The following SMG1 variants were observed in gnomAD, a reference collection of about 807,000 sequenced individuals.
SMG1 encodes the protein SMG1 nonsense mediated mRNA decay associated PI3K related kinase.
SMG1 carries 22 observed loss-of-function variants against 419.9 expected under a neutral mutation model. That is an observed-to-expected ratio of 0.05 (90% CI 0.04 to 0.07). The LOEUF is 0.07. Ranked by LOEUF, SMG1 falls within the 10% of genes least tolerant of loss-of-function variation. The pLI, the probability that SMG1 is intolerant of heterozygous loss-of-function variation, is 1.00. For missense variants in SMG1, 3,185 were observed against 4,342.0 expected (o/e 0.73, Z 7.49); for synonymous variants, 1,538 against 1,553.5 (o/e 0.99, Z 0.23).
intron 25 of SMG1, among the ~76,000 whole-genome samples, chr16:18,862,973 G>A (rs1194224981): frequency 6.6e-6 from 1 of 152,114 alleles, no homozygotes; most frequent in Non-Finnish European, 1.5e-5. Context: ...CTTTCCTTAT[G>A]GCACAGAAAA....
chr16:18,890,751 T>C (rs1025930825), intron 5 of SMG1, 112 bp downstream of exon 5: 36 of 654,806 alleles, frequency 5.5e-5, no homozygotes, highest in Non-Finnish European at 9.7e-5. Flanking sequence ...CACTGAAATG[T>C]CAATAGATGT....
In SMG1 at chr16:18,859,664, G is replaced by C; in HGVS notation, c.3845C>G (p.Pro1282Arg). 1 of 1,612,188 alleles carries C rather than the reference G, an allele frequency of 6.2e-7. No homozygotes were observed. Among genetic ancestry groups the C allele is most frequent in the Non-Finnish European group, 8.5e-7 (1 of 1,179,142 alleles). ...KLLPNMLSPD[P>R]RELQKSIEVQ... ...TTCAATGGATTTCTGAAGTTCCCTCGGATCCGGACTTAACATGTTAGGAAG... is the reference window on the plus strand; with the variant it reads ...TTCAATGGATTTCTGAAGTTCCCTCCGATCCGGACTTAACATGTTAGGAAG... The change falls in exon 27 of 63, where the codon CCG becomes CGG. Residue 1282 changes from proline to arginine, a missense_variant. By Grantham distance (103) the Pro-to-Arg change is moderately radical. Around this residue, in one of 27 missense-constraint regions of SMG1, gnomAD observed 120 missense variants for 193.3 expected, o/e 0.62. Coordinates refer to ENST00000446231, the MANE Select transcript of SMG1 (RefSeq NM_015092.5).
At chr16:18,860,061 A>G (rs1286077025) in intron 26 of SMG1, among the ~76,000 whole-genome samples, 1 of 152,184 alleles carries the variant, frequency 6.6e-6, no homozygotes, top group Non-Finnish European at 1.5e-5. Flanking sequence ...TACTAAAAAT[A>G]CAAAAAATTA....
chr16:18,863,441 AT>A (rs1296444145), intron 25 of SMG1, among the ~76,000 whole-genome samples: 4 of 152,232 alleles, frequency 2.6e-5, no homozygotes, highest in Non-Finnish European at 5.9e-5. Context: ...TTAATACCAA[AT>A]GACTATCTCA....
At chr16:18,921,857 ATACTT>A (rs2038212494) in intron 1 of SMG1, among the ~76,000 whole-genome samples, 1 of 152,320 alleles carries the variant, frequency 6.6e-6, no homozygotes, top group South Asian at 2.1e-4. Flanking sequence ...GTACTTTTGA[ATACTT>A]TAATCTGTCT....
At chr16:18,895,077 A>T (rs2037060523) in intron 3 of SMG1, among the ~76,000 whole-genome samples, 1 of 151,770 alleles carries the variant, frequency 6.6e-6, no homozygotes, top group Admixed American at 6.6e-5. Context: ...TCAGCCTCCC[A>T]AAGTGCTGGG....
At chr16:18,864,855 A>C (rs892185291) in intron 23 of SMG1, among the ~76,000 whole-genome samples, 1 of 152,192 alleles carries the variant, frequency 6.6e-6, no homozygotes, top group African/African-American at 2.4e-5. Context: ...AACTGAGCTA[A>C]AACAGTGAGT....
In SMG1 at chr16:18,869,085, C is replaced by T. The variant is rs1371698420; in HGVS notation, c.2833+19G>A. 5.6e-6 allele frequency: 9 copies of T among 1,600,646 alleles called. No individual in the cohort carries two copies. The highest frequency in any genetic ancestry group is 4.4e-5 in the South Asian group (4 of 90,768). On this transcript the variant is annotated intron_variant, in intron 20 of 62. Coordinates refer to ENST00000446231, the MANE Select transcript of SMG1 (RefSeq NM_015092.5). ...TAAGGCTTTGAAAGTATTCACATCA[C>T]AAAGCTTGAGTGAGTTACCTTCAAT...
chr16:18,815,698 T>C (rs1457345315), intron 58 of SMG1, 47 bp from the exon 59 acceptor site: 5 of 1,515,936 alleles, frequency 3.3e-6, no homozygotes, highest in African/African-American at 1.4e-5. Flanking sequence ...TTAGTATCAG[T>C]AATTACTCTC....
chr16:18,849,738 A>T (rs2034485858), intron 35 of SMG1, among the ~76,000 whole-genome samples: 1 of 152,218 alleles, frequency 6.6e-6, no homozygotes, highest in South Asian at 2.1e-4. Context: ...CATTTTGTAT[A>T]TAAAAAGCTC....
intron 40 of SMG1, 87 bp downstream of exon 40, chr16:18,842,121 A>C (rs1198698484): frequency 1.4e-6 from 2 of 1,391,914 alleles, no homozygotes; most frequent in African/African-American, 2.9e-5. Flanking sequence ...CGCCTGAAAT[A>C]ATCTCCTACT....
At chr16:18,901,851 G>A in intron 1 of SMG1, among the ~76,000 whole-genome samples, 1 of 148,290 alleles carries the variant, frequency 6.7e-6, no homozygotes, top group Non-Finnish European at 1.5e-5. Context: ...ACGGGCACCT[G>A]TAATAATCCC....
Position 18,872,237 on chromosome 16 carries a change from T to C in SMG1, c.2130A>G (p.Ile710Met), listed in dbSNP as rs2035860570. 1 of 1,585,392 alleles carries C rather than the reference T, an allele frequency of 6.3e-7. No homozygotes were observed. Among genetic ancestry groups the C allele is most frequent in the African/African-American group, 1.3e-5 (1 of 74,158 alleles). Residue 710 changes from isoleucine to methionine, a missense_variant, in exon 15 of 63, where the codon ATA (isoleucine) becomes ATG (methionine). Ile to Met is a conservative substitution (Grantham distance 10, BLOSUM62 1). Transcript: ENST00000446231. ...TAAGTAATATTCCCAGAAGATTTAA[T>C]ATAATTGAGAAATGTTTCTTTGTAG... ...TTATKKHFSI[I>M]LNLLGILLKK...
intron 13 of SMG1, chr16:18,875,863 T>C: frequency 1.9e-6 from 1 of 527,846 alleles, no homozygotes; most frequent in Non-Finnish European, 3.3e-6. Context: ...ATAGGAGAAA[T>C]TCATAAGACA....
chr16:18,842,724 C>A (rs1435291089), intron 39 of SMG1, among the ~76,000 whole-genome samples: 1 of 152,016 alleles, frequency 6.6e-6, no homozygotes, highest in Non-Finnish European at 1.5e-5. Flanking sequence ...ACTTGGGAAG[C>A]TAGGGCAGGA....
intron 1 of SMG1, among the ~76,000 whole-genome samples, chr16:18,914,172 A>C (rs2141982961): frequency 6.6e-6 from 1 of 151,956 alleles, no homozygotes; most frequent in East Asian, 2.0e-4. Flanking sequence ...ATCTCAAAAA[A>C]AAAAAAGCAA....
Position 18,834,296 on chromosome 16 carries a change from A to C in SMG1, c.8473T>G (p.Cys2825Gly). 2 of 1,612,362 alleles carry C rather than the reference A, an allele frequency of 1.2e-6. No homozygotes were observed. Among genetic ancestry groups the C allele is most frequent in the Non-Finnish European group, 1.7e-6 (2 of 1,179,234 alleles). The change falls in exon 50 of 63, where the codon TGC (cysteine) becomes GGC (glycine). Residue 2825 changes from cysteine (C) to glycine (G), a missense_variant. Cys to Gly is a radical substitution (Grantham distance 159, BLOSUM62 -3). This residue lies in a region of SMG1 where 412 missense variants were observed against 546.6 expected (regional missense o/e 0.75). Transcript: ENST00000446231. ...VTCLVQLLKQ[C>G]HLVPQDLDIP... ...TCTAAGTCCTGTGGCACCAGGTGGC[A>C]CTGCTTCAGTAACTGAACCAAGCAG...
intron 1 of SMG1, among the ~76,000 whole-genome samples, chr16:18,916,513 C>CAAAAAAAAAA (rs59985733): frequency 4.4e-5 from 3 of 68,946 alleles, no homozygotes; most frequent in African/African-American, 1.0e-4. Context: ...GACTCCATCT[C>CAAAAAAAAAA]AAAAAAAAAA....
chr16:18,874,177 C>T (rs957157265), intron 13 of SMG1, among the ~76,000 whole-genome samples: 3 of 152,034 alleles, frequency 2.0e-5, no homozygotes, highest in Admixed American at 6.6e-5. Context: ...CTGGTTCTGT[C>T]GCCCAGACTG....
Sources: gnomAD v4.1 joint callset for allele counts (sites outside exome capture counted in the v4.1 genomes callset) on GRCh38, gnomAD v4.1.1 for gene constraint, gnomAD v4.1.1 regional missense constraint, MANE v1.5 for transcripts, NCBI Gene and HGNC (gene_info 2026-07-23, HGNC 2026-07-21) for gene names.